The following AK9 variants were observed in gnomAD, a reference collection of about 807,000 sequenced individuals.
AK9 encodes the protein adenylate kinase domain containing 1.
A neutral mutation model predicts 239.6 loss-of-function variants in AK9; 191 were observed. That is an observed-to-expected ratio of 0.80 (90% CI 0.71 to 0.90). The LOEUF (loss-of-function observed/expected upper bound fraction) is 0.90. Ranked by LOEUF, AK9 falls within the 40% of genes least tolerant of loss-of-function variation. The pLI is 0.00. For missense variants in AK9, 1,995 were observed against 2,214.7 expected (o/e 0.90, Z 1.99); for synonymous variants, 689 against 721.0 (o/e 0.96, Z 0.71).
At chr6:109,553,926 A>T (rs1322982431) in intron 24 of AK9, among the ~76,000 whole-genome samples, 2 of 152,158 alleles carry the variant, frequency 1.3e-5, no homozygotes, top group Non-Finnish European at 2.9e-5. Flanking sequence ...GTTAAATTTT[A>T]TCAAAGGCCT....
intron 12 of AK9, among the ~76,000 whole-genome samples, chr6:109,624,016 C>T (rs987342175): frequency 1.8e-4 from 28 of 151,616 alleles, no homozygotes; most frequent in Non-Finnish European, 3.8e-4. Flanking sequence ...CTCACAATTA[C>T]GTAGAACATG....
chr6:109,567,768 G>C lies in AK9; in HGVS notation c.2345-2923C>G, dbSNP rs1008212561. ...GGAGGGGGGAGGGACAGCATTAGGA[G>C]ATATACCTAATGCAAATGACGAGTT... On this transcript the variant is annotated intron_variant, in intron 21 of 40. Coordinates refer to ENST00000424296, the MANE Select transcript of AK9 (RefSeq NM_001145128.3). 1.0e-3 allele frequency among the ~76,000 whole-genome samples: 149 copies of C among 149,180 alleles called. 1 individual carries two copies. The highest frequency in any genetic ancestry group is 2.2e-4 in the Non-Finnish European group (15 of 67,528).
intron 39 of AK9, 62 bp from the exon 40 acceptor site, chr6:109,494,157 C>A: frequency 2.6e-6 from 3 of 1,155,132 alleles, no homozygotes; most frequent in Non-Finnish European, 3.8e-6. Context: ...TTCTTAGTGC[C>A]AATAGATAAA....
chr6:109,530,321 T>C (rs1317187559), intron 28 of AK9, among the ~76,000 whole-genome samples: 2 of 152,158 alleles, frequency 1.3e-5, no homozygotes, highest in South Asian at 2.1e-4. Flanking sequence ...TTATGCCTTG[T>C]AGGCATGCAA....
intron 5 of AK9, among the ~76,000 whole-genome samples, chr6:109,663,026 T>C (rs920197341): frequency 7.2e-5 from 11 of 152,234 alleles, no homozygotes; most frequent in African/African-American, 2.6e-4. Context: ...AGGGGTTGCA[T>C]GCCATATTTA....
At chr6:109,581,842 AGAG>A (rs1788901968) in intron 19 of AK9, among the ~76,000 whole-genome samples, 1 of 152,224 alleles carries the variant, frequency 6.6e-6, no homozygotes, top group Admixed American at 6.5e-5. Context: ...TCAGAGTTAG[AGAG>A]GAGAAGTCAA....
At position 109,499,235 on chromosome 6, in the gene AK9, C is replaced by T. The variant is rs569782612; in HGVS notation, c.4855G>A (p.Ala1619Thr). 2.1e-5 allele frequency: 31 copies of T among 1,501,324 alleles called. No homozygotes were observed. The Admixed American group carries it at 5.7e-4, about 28-fold the overall frequency. 93.0% of individuals were successfully genotyped at this position (1,501,324 alleles called of 1,614,324 possible). Residue 1619 changes from alanine (A) to threonine (T), a missense_variant, in exon 36 of 41, where the codon GCT becomes ACT. Ala to Thr is a moderately conservative substitution (Grantham distance 58, BLOSUM62 0). Transcript: ENST00000424296. The part of the protein sequence containing the change: ...TYLERIKAGK[A>T]ACIDKLCITP... ...ATACATAACTTGTCAATGCAGGCAG[C>T]TTTTCCTATTATTAACATATTAACT...
At chr6:109,616,356 C>T (rs563260180) in intron 13 of AK9, among the ~76,000 whole-genome samples, 1 of 152,010 alleles carries the variant, frequency 6.6e-6, no homozygotes, top group East Asian at 1.9e-4. Flanking sequence ...TAATGATTTT[C>T]TTGAAAGATG....
Position 109,633,122 on chromosome 6 carries a change from A to C in AK9, c.1074-19T>G. On this transcript the variant is annotated intron_variant, in intron 11 of 40. Transcript: ENST00000424296. Reference sequence around the variant, plus strand: ...TAGAAAACTTAAAATATGCCATATTAGTAAACAACTGAAAAGATGTATGAG... The same window carrying C: ...TAGAAAACTTAAAATATGCCATATTCGTAAACAACTGAAAAGATGTATGAG... The C allele has an allele frequency of 6.4e-7, 1 of 1,554,658 alleles. No homozygotes were observed. The highest frequency in any genetic ancestry group is 1.2e-5 in the South Asian group (1 of 80,332).
chr6:109,506,569 A>G (rs1778144624), intron 34 of AK9, 22 bp from the exon 35 acceptor site: 1 of 1,553,566 alleles, frequency 6.4e-7, no homozygotes, highest in Non-Finnish European at 8.7e-7. Context: ...ACAGAGAAGG[A>G]ATGGAAAAAG....
rs552001352 is a variant in AK9 at position 109,678,967 on chromosome 6, C to T, written c.-11-3211G>A. Among the ~76,000 whole-genome samples the T allele has an allele frequency of 3.9e-5, 6 of 152,328 alleles. No homozygotes were observed. In the South Asian group the frequency reaches 8.3e-4, roughly 21 times the overall value. On this transcript the variant is annotated intron_variant, in intron 1 of 40. Coordinates refer to ENST00000424296, the MANE Select transcript of AK9 (RefSeq NM_001145128.3). The stretch of plus-strand genomic sequence containing the variant: ...CTCACAGTCTTCACAACCCGCAGAC[C>T]AGGAGATTCCCTCTGATGCCTACGC...
chr6:109,530,539 C>A (rs533358195), intron 28 of AK9, among the ~76,000 whole-genome samples: 3 of 151,682 alleles, frequency 2.0e-5, no homozygotes, highest in East Asian at 3.9e-4. Context: ...AACATAAAGA[C>A]CACTGTATTA....
intron 7 of AK9, among the ~76,000 whole-genome samples, chr6:109,657,561 T>TTA (rs1554285662): frequency 6.6e-6 from 1 of 151,318 alleles, no homozygotes. Flanking sequence ...TTTTTTTTTT[T>TTA]AATTATACTT....
intron 21 of AK9, among the ~76,000 whole-genome samples, chr6:109,566,997 C>A (rs1340461663): frequency 6.6e-6 from 1 of 152,108 alleles, no homozygotes; most frequent in Admixed American, 6.6e-5. Flanking sequence ...AAAATTGACA[C>A]CCTATCATCA....
At chr6:109,509,118 G>A in intron 33 of AK9, 61 bp downstream of exon 33, 1 of 1,460,886 alleles carries the variant, frequency 6.8e-7, no homozygotes, top group South Asian at 1.3e-5. Context: ...TAAATCACGA[G>A]CGAGCAGTTT....
At chr6:109,558,152 AT>A (rs1250663957) in intron 24 of AK9, among the ~76,000 whole-genome samples, 2 of 152,094 alleles carry the variant, frequency 1.3e-5, no homozygotes, top group East Asian at 1.9e-4. Context: ...CTTGCATCAG[AT>A]ATGTGATTTG....
chr6:109,659,196 T>G (rs1181663069), intron 7 of AK9, 32 bp downstream of exon 7: 1 of 1,495,060 alleles, frequency 6.7e-7, no homozygotes, highest in Non-Finnish European at 8.9e-7. Context: ...TTAAAAAGTG[T>G]AGTGTATGGT....
chr6:109,665,243 T>C (rs2128323606), intron 5 of AK9, among the ~76,000 whole-genome samples: 1 of 152,344 alleles, frequency 6.6e-6, no homozygotes, highest in African/African-American at 2.4e-5. Flanking sequence ...TGGTTTTAGA[T>C]ATATGAACTG....
At chr6:109,578,006 A>C (rs1788343264) in intron 20 of AK9, among the ~76,000 whole-genome samples, 1 of 149,156 alleles carries the variant, frequency 6.7e-6, no homozygotes, top group African/African-American at 2.5e-5. Flanking sequence ...ATCTCAGCTC[A>C]CTGCAACCTC....
Sources: allele counts gnomAD v4.1 joint callset (sites outside exome capture counted in the v4.1 genomes callset), GRCh38; gene constraint gnomAD v4.1.1; transcripts MANE v1.5; gene names NCBI Gene and HGNC (gene_info 2026-07-23, HGNC 2026-07-21).